The following ZNF771 variants were observed in gnomAD, a reference collection of about 807,000 sequenced individuals.
ZNF771 encodes the protein mesenchymal stem cell protein DSC43.
Under a neutral mutation model 27.6 loss-of-function variants are expected in ZNF771, and 10 were observed. That is an observed-to-expected ratio of 0.36 (90% CI 0.22 to 0.61). The LOEUF (loss-of-function observed/expected upper bound fraction) is 0.61, where lower values mean the gene tolerates loss of function less well. ZNF771 is among the 20% of genes least tolerant of loss of function. ZNF771 has a pLI of 0.70. For missense variants in ZNF771, 438 were observed against 503.7 expected (o/e 0.87, Z 1.25); for synonymous variants, 261 against 225.2 (o/e 1.16, Z -1.43).
chr16:30,418,332 G>A lies in ZNF771; in HGVS notation c.919G>A (p.Ala307Thr). ...GCCCCCTGGCGCCACGGCCGCCACT[G>A]CCACCGAGCGTTGCCCGGAGTGTGA... ...KLPPGATAATATERCPECEGS is the reference protein window; with the variant it reads ...KLPPGATAATTTERCPECEGS The change falls in exon 3 of 3, where the codon GCC (alanine) becomes ACC (threonine). Residue 307 changes from alanine to threonine, a missense_variant. Ala to Thr is a moderately conservative substitution (Grantham distance 58, BLOSUM62 0). Transcript: ENST00000319296. 1 of 1,461,924 alleles carries A rather than the reference G, an allele frequency of 6.8e-7. No individual in the cohort carries two copies. The highest frequency in any genetic ancestry group is 9.0e-7 in the Non-Finnish European group (1 of 1,109,722). The allele number at this position is 1,461,924 out of a possible 1,614,324, so 90.6% of individuals were successfully genotyped here. A position where few individuals can be genotyped will look rare whatever the true frequency, so the allele number is the denominator to read the frequency against.
At chr16:30,417,463 C>G (rs2050140146) in intron 2 of ZNF771, 92 bp from the exon 3 acceptor site, 4 of 882,996 alleles carry the variant, frequency 4.5e-6, no homozygotes, top group Non-Finnish European at 5.9e-6. Flanking sequence ...AGATGGGGAA[C>G]TGAGGCTCAC....
At chr16:30,411,014 C>A (rs1050292779) in intron 2 of ZNF771, among the ~76,000 whole-genome samples, 4 of 143,354 alleles carry the variant, frequency 2.8e-5, no homozygotes, top group Non-Finnish European at 6.1e-5. Context: ...CAGAGAGAGA[C>A]CCTGTCTCAA....
chr16:30,414,946 CTTTTTTTTTTTTTT>C (rs71149016), intron 2 of ZNF771, among the ~76,000 whole-genome samples: 5 of 59,464 alleles, frequency 8.4e-5, no homozygotes, highest in Admixed American at 4.7e-4. Flanking sequence ...CGCCCGGCCT[CTTTTTTTTTTTTTT>C]TTTTTTTTTT....
chr16:30,411,912 A>G (rs1423556207), intron 2 of ZNF771, among the ~76,000 whole-genome samples: 3 of 152,156 alleles, frequency 2.0e-5, no homozygotes, highest in Non-Finnish European at 4.4e-5. Context: ...GGGCTGGAGT[A>G]TTCTCCCTCT....
rs1567442220 is a variant in ZNF771 at position 30,417,838 on chromosome 16, C to T, written c.425C>T (p.Thr142Met). 6.7e-7 allele frequency: 1 copy of T among 1,500,884 alleles called. No homozygotes were observed. Among genetic ancestry groups the T allele is most frequent in the Middle Eastern group, 1.7e-4 (1 of 5,734 alleles). The allele number at this position is 1,500,884 out of a possible 1,614,324, so 93.0% of individuals were successfully genotyped here. Residue 142 changes from threonine to methionine, a missense_variant, in exon 3 of 3, where the codon ACG (threonine) becomes ATG (methionine). This residue lies in a region of ZNF771 where 305 missense variants were observed against 308.0 expected (regional missense o/e 0.99). Transcript: ENST00000319296. ...CTGCGGCAGCACCGGCGGCGGCACA[C>T]GGGCGAGAAGCCGTACGCATGCGCG... ...SNLRQHRRRH[T>M]GEKPYACAHC...
chr16:30,417,532 G>A (rs1249257253), intron 2 of ZNF771, 23 bp from the exon 3 acceptor site: 4 of 1,213,312 alleles, frequency 3.3e-6, no homozygotes, highest in Non-Finnish European at 4.1e-6. Context: ...GCTAAGGGCT[G>A]ACCTATCCCC....
Position 30,417,538 on chromosome 16 carries a change from T to A in ZNF771, c.142-17T>A, listed in dbSNP as rs1882472995. 4.9e-6 allele frequency: 6 copies of A among 1,214,496 alleles called. No individual in the cohort carries two copies. In the South Asian group the frequency reaches 1.6e-4, roughly 33 times the overall value. The allele number at this position is 1,214,496 out of a possible 1,614,324, so 75.2% of individuals were successfully genotyped here. On this transcript the variant is annotated splice_polypyrimidine_tract_variant and intron_variant, in intron 2 of 2. Coordinates refer to ENST00000319296, the MANE Select transcript of ZNF771 (RefSeq NM_001142305.2). ...GGGCCTGCCGCTAAGGGCTGACCTA[T>A]CCCCCTCTCCCCGCAGGTCCCGGGC...
rs1205134281 is a variant in ZNF771 at position 30,407,987 on chromosome 16, C to CGG, written c.-9-48_-9-47dup. On this transcript the variant is annotated intron_variant, in intron 1 of 2. Coordinates refer to ENST00000319296, the MANE Select transcript of ZNF771 (RefSeq NM_001142305.2). ...CTTGCTGGGCCAGGGCCACGGTGGGCGGGGGGGGGGGTGGGGGGGGGCGGG... is the reference window on the plus strand; with the variant it reads ...CTTGCTGGGCCAGGGCCACGGTGGGCGGGGGGGGGGGGGTGGGGGGGGGCGGG... 6.9e-3 allele frequency: 4,955 copies of CGG among 717,908 alleles called. 6 individuals are homozygous for CGG. Among genetic ancestry groups the CGG allele is most frequent in the East Asian group, 0.015 (283 of 19,206 alleles). The allele number at this position is 717,908 out of a possible 1,614,324, so 44.5% of individuals were successfully genotyped here.
intron 2 of ZNF771, among the ~76,000 whole-genome samples, chr16:30,409,756 A>T (rs2050094496): frequency 6.6e-6 from 1 of 152,124 alleles, no homozygotes; most frequent in African/African-American, 2.4e-5. Flanking sequence ...CCCATTATCC[A>T]GCTCTGCCTG....
chr16:30,414,452 C>T (rs537082258), intron 2 of ZNF771: 2 of 152,250 alleles, frequency 1.3e-5, no homozygotes, highest in South Asian at 4.1e-4. Context: ...ATTTCATCGC[C>T]CTCAGCCTCA....
chr16:30,417,512 G>A, intron 2 of ZNF771, 43 bp from the exon 3 acceptor site: 1 of 1,190,806 alleles, frequency 8.4e-7, no homozygotes. Context: ...CTCTGGCTCC[G>A]GGGCCTGCCG....
Position 30,418,403 on chromosome 16 carries a change from C to G in ZNF771, c.*36C>G. 1 of 1,364,314 alleles carries G rather than the reference C, an allele frequency of 7.3e-7. No homozygotes were observed. Among genetic ancestry groups the G allele is most frequent in the South Asian group, 1.7e-5 (1 of 58,676 alleles). The allele number at this position is 1,364,314 out of a possible 1,614,324, so 84.5% of individuals were successfully genotyped here. ...GCTGCGGAGGGGCGCGCTGGGGCTT[C>G]GACCTGGCTGCACTAACCCAGGCTC... On this transcript the variant is annotated 3_prime_UTR_variant, in exon 3 of 3. Transcript: ENST00000319296.
intron 2 of ZNF771, 122 bp from the exon 3 acceptor site, chr16:30,417,433 C>G: frequency 1.7e-6 from 1 of 576,558 alleles, no homozygotes. Context: ...GAGGCAGCAC[C>G]GTGGCCTTTC....
chr16:30,417,505 T>C (rs1597032997), intron 2 of ZNF771, 50 bp from the exon 3 acceptor site: 3 of 1,179,626 alleles, frequency 2.5e-6, no homozygotes, highest in East Asian at 3.5e-5. Context: ...CCCAGGTCTC[T>C]GGCTCCGGGG....
Position 30,408,077 on chromosome 16 carries a change from G to C in ZNF771, c.24G>C (p.Glu8Asp). Residue 8 changes from glutamate to aspartate, a missense_variant, in exon 2 of 3, where the codon GAG becomes GAC. Physicochemically the swap from Glu to Asp is conservative, Grantham distance 45 (BLOSUM62 2). Transcript: ENST00000319296. MPGEQQA[E>D]EEEEEEMQEE... ...AGATGCCTGGCGAACAGCAGGCAGA[G>C]GAAGAGGAGGAGGAAGAGATGCAGG... The C allele has an allele frequency of 6.2e-7, 1 of 1,608,216 alleles. No individual in the cohort carries two copies. The highest frequency in any genetic ancestry group is 8.5e-7 in the Non-Finnish European group (1 of 1,177,096).
intron 2 of ZNF771, among the ~76,000 whole-genome samples, chr16:30,410,492 C>T (rs1168156198): frequency 2.0e-5 from 3 of 152,004 alleles, no homozygotes; most frequent in Non-Finnish European, 1.5e-5. Context: ...TGAAGACAAA[C>T]GACTCAAGGC....
chr16:30,414,341 C>T (rs1269274376), intron 2 of ZNF771: 1 of 152,182 alleles, frequency 6.6e-6, no homozygotes, highest in Non-Finnish European at 1.5e-5. Flanking sequence ...AATCCAGCCT[C>T]TGTCACATCT....
At chr16:30,415,332 C>T (rs1259244003) in intron 2 of ZNF771, among the ~76,000 whole-genome samples, 1 of 151,640 alleles carries the variant, frequency 6.6e-6, no homozygotes, top group Non-Finnish European at 1.5e-5. Flanking sequence ...CTTGAAGTTG[C>T]CCTCCTGCAG....
chr16:30,412,649 G>A (rs1186788584), intron 2 of ZNF771, among the ~76,000 whole-genome samples: 5 of 152,118 alleles, frequency 3.3e-5, no homozygotes, highest in African/African-American at 1.2e-4. Flanking sequence ...AAAATTAGCC[G>A]GGTGTGGTGG....
Sources: gnomAD v4.1 joint callset for allele counts (sites outside exome capture counted in the v4.1 genomes callset) on GRCh38, gnomAD v4.1.1 for gene constraint, gnomAD v4.1.1 regional missense constraint, MANE v1.5 for transcripts, NCBI Gene and HGNC (gene_info 2026-07-23, HGNC 2026-07-21) for gene names.